SLC16A9: variants seen among roughly 807,000 people sequenced by gnomAD.
The protein encoded by SLC16A9 is monocarboxylate transporter 9.
Under a neutral mutation model 44.3 loss-of-function variants are expected in SLC16A9, and 26 were observed. The ratio of observed to expected loss-of-function variants is 0.59; its 90% confidence interval spans 0.43 to 0.81. The LOEUF (loss-of-function observed/expected upper bound fraction) is 0.81, where lower values mean the gene tolerates loss of function less well. Among genes scored for constraint, SLC16A9 ranks in the 40% least tolerant of loss-of-function variants. The pLI is 0.00. For synonymous variants in SLC16A9, 230 were observed against 225.1 expected (o/e 1.02, Z -0.19); for missense variants, 559 against 595.8 (o/e 0.94, Z 0.64).
At chr10:59,678,554 T>TTTTTTTTTTTTTTTTTTTTTTTTTTA (rs71006281) in intron 2 of SLC16A9, among the ~76,000 whole-genome samples, 1 of 68,890 alleles carries the variant, frequency 1.5e-5, no homozygotes, top group South Asian at 6.3e-4. Context: ...TTCTTTTTTT[T>TTTTTTTTTTTTTTTTTTTTTTTTTTA]GAGACGGAGT....
chr10:59,689,853 G>A (rs1000189746), intron 1 of SLC16A9, among the ~76,000 whole-genome samples: 2 of 152,120 alleles, frequency 1.3e-5, no homozygotes, highest in Non-Finnish European at 2.9e-5. Context: ...AAATATAGAT[G>A]TGCCATATCT....
chr10:59,691,936 C>A (rs529630259), intron 1 of SLC16A9, among the ~76,000 whole-genome samples: 1 of 152,178 alleles, frequency 6.6e-6, no homozygotes. Context: ...AAGTGATTTA[C>A]AAGTATTTAA....
chr10:59,703,572 CA>C (rs904334562), intron 1 of SLC16A9, among the ~76,000 whole-genome samples: 1 of 152,134 alleles, frequency 6.6e-6, no homozygotes, highest in African/African-American at 2.4e-5. Context: ...TATAGGATCA[CA>C]AAAGTCTGAA....
chr10:59,703,210 C>T lies in SLC16A9; in HGVS notation c.-37+6269G>A, dbSNP rs531870071. Among the ~76,000 whole-genome samples the T allele has an allele frequency of 6.6e-5, 10 of 152,278 alleles. No homozygotes were observed. In the South Asian group the frequency reaches 2.1e-3, roughly 32 times the overall value. ...CACAGCTCATCACTGCAGCCTTGAC[C>T]TCCCAAGCTCAAATGATCCTGCTAC... On this transcript the variant is annotated intron_variant, in intron 1 of 5. Coordinates refer to ENST00000395348, the MANE Select transcript of SLC16A9 (RefSeq NM_194298.3).
chr10:59,678,546 C>CTTTTTTTTCTTTTTTTTTTTTTTTTT (rs751112027), intron 2 of SLC16A9, among the ~76,000 whole-genome samples: 2 of 30,594 alleles, frequency 6.5e-5, no homozygotes, highest in African/African-American at 8.9e-5. Context: ...TTTTCTTTTT[C>CTTTTTTTTCTTTTTTTTTTTTTTTTT]TTTTTTTTGA....
In SLC16A9 at chr10:59,672,782, C is replaced by T. The variant is rs1280606598; in HGVS notation, c.328G>A (p.Gly110Ser). 2 of 1,612,350 alleles carry T rather than the reference C, an allele frequency of 1.2e-6. No individual in the cohort carries two copies. Among genetic ancestry groups the T allele is most frequent in the African/African-American group, 1.3e-5 (1 of 74,706 alleles). ...CGAGGTTCCTTACCTACAACAATGC[C>T]ATAGGAAAAAAACAGAAAGTAGATA... ...PNIYFLFFSY[G>S]IVVGLGCGLL... The change falls in exon 3 of 6, where the codon GGC becomes AGC. Residue 110 changes from glycine (G) to serine (S), a missense_variant. By Grantham distance (56) the Gly-to-Ser change is moderately conservative (BLOSUM62 0). Transcript: ENST00000395348.
At chr10:59,686,169 C>G (rs1023896340) in intron 1 of SLC16A9, among the ~76,000 whole-genome samples, 1 of 152,146 alleles carries the variant, frequency 6.6e-6, no homozygotes, top group African/African-American at 2.4e-5. Flanking sequence ...ATTGGTCTGT[C>G]TATTCACACA....
At chr10:59,653,443 A>AAAAAAAAAAAAAAAAAAAAAAAC (rs1839262239) in intron 5 of SLC16A9, among the ~76,000 whole-genome samples, 1 of 149,350 alleles carries the variant, frequency 6.7e-6, no homozygotes, top group Non-Finnish European at 1.5e-5. Flanking sequence ...AAAAAAAAAA[A>AAAAAAAAAAAAAAAAAAAAAAAC]AAGCAGGCAT....
chr10:59,693,986 G>A (rs556830562), intron 1 of SLC16A9, among the ~76,000 whole-genome samples: 24 of 151,292 alleles, frequency 1.6e-4, no homozygotes, highest in African/African-American at 5.6e-4. Context: ...CGCCCAGGCT[G>A]GAGTGCAGTG....
rs1042039264 is a variant in SLC16A9, at chr10:59,651,541, A to G, written c.*1231T>C. 1 of 152,206 alleles carries G rather than the reference A, an allele frequency of 6.6e-6. No homozygotes were observed. Among genetic ancestry groups the G allele is most frequent in the Non-Finnish European group, 1.5e-5 (1 of 68,036 alleles). 9.4% of individuals were successfully genotyped at this position (152,206 alleles called of 1,614,324 possible). On this transcript the variant is annotated 3_prime_UTR_variant, in exon 6 of 6. Transcript: ENST00000395348. ...CTACACCAGCAGAATTAAAAGTTCT[A>G]TGTGTGATACCCAGGTACCTATATT...
intron 1 of SLC16A9, among the ~76,000 whole-genome samples, chr10:59,697,242 C>T (rs1212126274): frequency 6.6e-6 from 1 of 151,668 alleles, no homozygotes; most frequent in Non-Finnish European, 1.5e-5. Flanking sequence ...TACTCAACAG[C>T]TCATTGAGAA....
chr10:59,709,416 A>G (rs894855432), intron 1 of SLC16A9, 63 bp downstream of exon 1: 1 of 152,364 alleles, frequency 6.6e-6, no homozygotes, highest in Admixed American at 6.5e-5. Flanking sequence ...TGCCTCTAGG[A>G]CGCTGGGCAG....
At chr10:59,698,599 GCT>G (rs754148131) in intron 1 of SLC16A9, among the ~76,000 whole-genome samples, 56 of 152,278 alleles carry the variant, frequency 3.7e-4, no homozygotes, top group South Asian at 6.2e-4. Context: ...CCACCCTTCT[GCT>G]GTGCAGCAGC....
chr10:59,657,369 TCTTTCAACTA>T (rs1336226457), intron 4 of SLC16A9, among the ~76,000 whole-genome samples: 12 of 152,190 alleles, frequency 7.9e-5, no homozygotes, highest in African/African-American at 2.9e-4. Context: ...CACATTCCTT[TCTTTCAACTA>T]GGTCACAATA....
At chr10:59,690,429 A>G in intron 1 of SLC16A9, among the ~76,000 whole-genome samples, 1 of 152,180 alleles carries the variant, frequency 6.6e-6, no homozygotes, top group East Asian at 1.9e-4. Flanking sequence ...GTGGATGGAT[A>G]TTAAATGTTT....
At chr10:59,669,735 G>A (rs1416743537) in intron 3 of SLC16A9, among the ~76,000 whole-genome samples, 4 of 152,120 alleles carry the variant, frequency 2.6e-5, no homozygotes, top group Non-Finnish European at 4.4e-5. Context: ...TACTCGGGAG[G>A]CTGAGGCAGG....
intron 4 of SLC16A9, among the ~76,000 whole-genome samples, chr10:59,661,954 C>A (rs1372843275): frequency 1.3e-5 from 2 of 151,978 alleles, no homozygotes; most frequent in Non-Finnish European, 2.9e-5. Flanking sequence ...GAAACTGGAC[C>A]CCTTCCTTAC....
chr10:59,653,155 C>T (rs934359941), intron 5 of SLC16A9, among the ~76,000 whole-genome samples: 2 of 151,992 alleles, frequency 1.3e-5, no homozygotes, highest in Admixed American at 1.3e-4. Context: ...TGCGGTGGCT[C>T]ACGCCTGTAA....
chr10:59,694,815 T>TATATATATATATATATATATATATATAC, intron 1 of SLC16A9, among the ~76,000 whole-genome samples: 1 of 50,280 alleles, frequency 2.0e-5, no homozygotes, highest in Non-Finnish European at 5.0e-5. Context: ...TATATATATA[T>TATATATATATATATATATATATATATAC]ATACACACAC....
Sources: allele counts gnomAD v4.1 joint callset (sites outside exome capture counted in the v4.1 genomes callset), GRCh38; gene constraint gnomAD v4.1.1; transcripts MANE v1.5; gene names NCBI Gene and HGNC (gene_info 2026-07-23, HGNC 2026-07-21).